Variants in FANCL observed in about 807,000 individuals in gnomAD.
FANCL encodes FA complementation group L, also known as E3 ubiquitin-protein ligase FANCL.
In FANCL, 69 loss-of-function variants were observed where a neutral mutation model predicts 59.4. That is an observed-to-expected ratio of 1.16 (90% CI 0.96 to 1.42). The LOEUF is 1.42. FANCL is among the 40% of genes most tolerant of loss of function. The pLI, the probability that FANCL is intolerant of heterozygous loss-of-function variation, is 0.00. For synonymous variants in FANCL, 180 were observed against 147.1 expected (o/e 1.22, Z -1.62); for missense variants, 519 against 447.2 (o/e 1.16, Z -1.45).
chr2:58,187,592 A>T (rs1421213374), intron 7 of FANCL, among the ~76,000 whole-genome samples: 1 of 152,178 alleles, frequency 6.6e-6, no homozygotes, highest in Admixed American at 6.5e-5. Context: ...TGTTGCAAAG[A>T]AAGTGAAGTT....
chr2:58,237,309 A>G (rs769084666), intron 1 of FANCL, among the ~76,000 whole-genome samples: 55 of 152,302 alleles, frequency 3.6e-4, no homozygotes, highest in Admixed American at 1.5e-3. Context: ...TTATAAATCA[A>G]TAACAAAAAG....
intron 7 of FANCL, among the ~76,000 whole-genome samples, chr2:58,182,966 T>C (rs1432098785): frequency 6.6e-6 from 1 of 151,780 alleles, no homozygotes; most frequent in East Asian, 1.9e-4. Context: ...AATACGGAAA[T>C]AGTGTTAATC....
At chr2:58,186,280 A>G (rs1688395399) in intron 7 of FANCL, among the ~76,000 whole-genome samples, 1 of 152,218 alleles carries the variant, frequency 6.6e-6, no homozygotes, top group African/African-American at 2.4e-5. Flanking sequence ...ATTTTCTTTA[A>G]GAAGGTAAAT....
intron 7 of FANCL, among the ~76,000 whole-genome samples, 167 bp downstream of exon 7, chr2:58,198,427 T>A (rs1689657552): frequency 6.6e-6 from 1 of 151,914 alleles, no homozygotes; most frequent in Non-Finnish European, 1.5e-5. Flanking sequence ...TACAGAAGAG[T>A]GTGCACAGGC....
intron 1 of FANCL, among the ~76,000 whole-genome samples, chr2:58,235,023 G>C (rs536882188): frequency 2.0e-5 from 3 of 152,042 alleles, no homozygotes; most frequent in African/African-American, 7.2e-5. Flanking sequence ...TTCTATGATG[G>C]GAGTATTTTC....
At chr2:58,211,872 T>C (rs1160825438) in intron 5 of FANCL, among the ~76,000 whole-genome samples, 2 of 152,174 alleles carry the variant, frequency 1.3e-5, no homozygotes, top group Non-Finnish European at 2.9e-5. Context: ...GACCTTACTG[T>C]CCATATCACC....
intron 7 of FANCL, among the ~76,000 whole-genome samples, chr2:58,184,571 C>T (rs1688224660): frequency 6.6e-6 from 1 of 151,930 alleles, no homozygotes; most frequent in Non-Finnish European, 1.5e-5. Flanking sequence ...TTTGTGCATA[C>T]ATACAATAAT....
chr2:58,227,335 T>C (rs1464641002), intron 3 of FANCL, among the ~76,000 whole-genome samples: 9 of 152,210 alleles, frequency 5.9e-5, no homozygotes, highest in Non-Finnish European at 1.5e-5. Context: ...CAAAGAACTT[T>C]CTGTATCCCG....
chr2:58,237,360 T>C (rs1010009668), intron 1 of FANCL, among the ~76,000 whole-genome samples: 4 of 152,226 alleles, frequency 2.6e-5, no homozygotes, highest in African/African-American at 9.6e-5. Context: ...ATAATCATAA[T>C]TCTAAGTGAG....
At chr2:58,164,778 T>C (rs1232636040) in intron 8 of FANCL, among the ~76,000 whole-genome samples, 1 of 152,104 alleles carries the variant, frequency 6.6e-6, no homozygotes, top group Non-Finnish European at 1.5e-5. Flanking sequence ...TTCACAAATA[T>C]ACCATAATTT....
Position 58,232,092 on chromosome 2 carries a change from C to G in FANCL, c.117G>C (p.Arg39Ser). The change falls in exon 2 of 14, where the codon AGG becomes AGC. Residue 39 changes from arginine (R) to serine (S), a missense_variant. Coordinates refer to ENST00000233741, the MANE Select transcript of FANCL (RefSeq NM_018062.4). The part of the protein sequence containing the change: ...ISAQGRDFHL[R>S]IVLPEDLQLK... ...GTTGTAAATCTTCAGGCAACACTAT[C>G]CTAAGGTGGAAGTCTCTTCCCTGTG... The G allele has an allele frequency of 6.2e-7, 1 of 1,613,284 alleles. No individual in the cohort carries two copies. The highest frequency in any genetic ancestry group is 1.7e-5 in the Admixed American group (1 of 60,010).
At chr2:58,230,928 A>T (rs1693524791) in intron 2 of FANCL, among the ~76,000 whole-genome samples, 1 of 151,828 alleles carries the variant, frequency 6.6e-6, no homozygotes, top group Non-Finnish European at 1.5e-5. Context: ...TTCTCTAACC[A>T]CCTCTTTTTC....
At chr2:58,217,475 C>A (rs6709460) in intron 5 of FANCL, among the ~76,000 whole-genome samples, 1 of 150,898 alleles carries the variant, frequency 6.6e-6, no homozygotes, top group African/African-American at 2.4e-5. Context: ...AATTTCAATA[C>A]AGCATTAAAA....
chr2:58,238,486 A>T (rs1033386366), intron 1 of FANCL, among the ~76,000 whole-genome samples: 1 of 152,222 alleles, frequency 6.6e-6, no homozygotes, highest in South Asian at 2.1e-4. Flanking sequence ...CATTAAAAGG[A>T]TAATAAGGGA....
chr2:58,170,039 C>T (rs1573549731), intron 7 of FANCL, among the ~76,000 whole-genome samples: 1 of 152,064 alleles, frequency 6.6e-6, no homozygotes, highest in Non-Finnish European at 1.5e-5. Context: ...CAGAGAACAC[C>T]ACAAAGATAC....
intron 1 of FANCL, among the ~76,000 whole-genome samples, chr2:58,233,958 A>G (rs2103949343): frequency 6.6e-6 from 1 of 152,172 alleles, no homozygotes; most frequent in Non-Finnish European, 1.5e-5. Flanking sequence ...AAATAAAAAA[A>G]CAACTCCTTC....
At chr2:58,200,382 T>C (rs1240478296) in intron 6 of FANCL, among the ~76,000 whole-genome samples, 1 of 152,030 alleles carries the variant, frequency 6.6e-6, no homozygotes, top group Non-Finnish European at 1.5e-5. Context: ...AAAACTCAAC[T>C]AGAAGTGTTA....
chr2:58,202,762 G>A (rs1296546820), intron 6 of FANCL, among the ~76,000 whole-genome samples: 1 of 151,730 alleles, frequency 6.6e-6, no homozygotes, highest in Non-Finnish European at 1.5e-5. Context: ...GCCAATAAAT[G>A]AACTAAATGT....
intron 2 of FANCL, among the ~76,000 whole-genome samples, chr2:58,231,553 C>A (rs1460558247): frequency 2.3e-4 from 35 of 152,130 alleles, no homozygotes; most frequent in Admixed American, 2.3e-3. Context: ...TTCCTCCATT[C>A]TTCTCCAGAA....
Sources: allele counts gnomAD v4.1 joint callset (sites outside exome capture counted in the v4.1 genomes callset), GRCh38; gene constraint gnomAD v4.1.1; transcripts MANE v1.5; gene names NCBI Gene and HGNC (gene_info 2026-07-23, HGNC 2026-07-21).